DLGAP4: variants seen among roughly 807,000 people sequenced by gnomAD.
The protein encoded by DLGAP4 is DLG associated protein 4, also known as disks large-associated protein 4.
A neutral mutation model predicts 86.9 loss-of-function variants in DLGAP4; 18 were observed. The ratio of observed to expected loss-of-function variants is 0.21; its 90% CI spans 0.14 to 0.31. The LOEUF (loss-of-function observed/expected upper bound fraction) is 0.31. Among genes scored for constraint, DLGAP4 ranks in the 10% least tolerant of loss-of-function variants. The probability of loss-of-function intolerance (pLI) is 1.00; values close to 1 mark genes in which losing one functional copy is unlikely to be tolerated. For missense variants in DLGAP4, 1,085 were observed against 1,362.6 expected (o/e 0.80, Z 3.21); for synonymous variants, 548 against 574.3 (o/e 0.95, Z 0.65).
rs117408574 is a variant in DLGAP4 at position 36,381,915 on chromosome 20, T to C, written c.-73+14640T>C. Among the ~76,000 whole-genome samples, 3 of 152,280 alleles carry C rather than the reference T, an allele frequency of 2.0e-5. No individual in the cohort carries two copies. In the East Asian group the frequency reaches 5.8e-4, roughly 29 times the overall value. ...GGGAGTGGGCTGCATCTGATCCCCTTGGAATCTCATGGGGTCCCAGGAGAG... is the reference window on the plus strand; with the variant it reads ...GGGAGTGGGCTGCATCTGATCCCCTCGGAATCTCATGGGGTCCCAGGAGAG... On this transcript the variant is annotated intron_variant, in intron 2 of 12. Coordinates refer to ENST00000339266, the MANE Select transcript of DLGAP4 (RefSeq NM_001365621.2).
chr20:36,363,379 AT>A (rs2030584120), intron 1 of DLGAP4, among the ~76,000 whole-genome samples: 1 of 152,208 alleles, frequency 6.6e-6, no homozygotes, highest in African/African-American at 2.4e-5. Flanking sequence ...CTCCTTGAGC[AT>A]TTCCTCTGGC....
chr20:36,384,095 C>T (rs2031508879), intron 2 of DLGAP4, among the ~76,000 whole-genome samples: 1 of 151,942 alleles, frequency 6.6e-6, no homozygotes, highest in African/African-American at 2.4e-5. Flanking sequence ...CTTTCATTGC[C>T]ACCTCAGCAT....
chr20:36,311,177 G>C (rs1217060704), intron 1 of DLGAP4, among the ~76,000 whole-genome samples: 3 of 151,644 alleles, frequency 2.0e-5, no homozygotes, highest in Admixed American at 6.6e-5. Context: ...GCATTTGACA[G>C]ATGAGGAAAC....
intron 1 of DLGAP4, among the ~76,000 whole-genome samples, chr20:36,346,203 G>C (rs1432218878): frequency 1.3e-5 from 2 of 152,204 alleles, no homozygotes; most frequent in Non-Finnish European, 2.9e-5. Flanking sequence ...GGCTCTATGG[G>C]CAGAGTCCAA....
rs1261830872 is a variant in DLGAP4, at chr20:36,462,699, G to A, written c.1648+15762G>A. ...CGCTGGGGCAAGGGCTGGCGCTAGG[G>A]CAAGGGGGCTCTGAGGCCTCCCACA... On this transcript the variant is annotated intron_variant, in intron 7 of 12. Coordinates refer to ENST00000339266, the MANE Select transcript of DLGAP4 (RefSeq NM_001365621.2). 2.1e-6 allele frequency: 3 copies of A among 1,460,882 alleles called. No homozygotes were observed. In the African/African-American group the frequency reaches 4.4e-5, roughly 22 times the overall value. The allele number at this position is 1,460,882 out of a possible 1,614,324, so 90.5% of individuals were successfully genotyped here. A position where few individuals can be genotyped will look rare whatever the true frequency, so the allele number is the denominator to read the frequency against.
In DLGAP4 at chr20:36,372,771, G is replaced by T. The variant is rs112945545; in HGVS notation, c.-73+5496G>T. Among the ~76,000 whole-genome samples, 746 of 152,288 alleles carry T rather than the reference G, an allele frequency of 4.9e-3. 3 individuals are homozygous for T. Among genetic ancestry groups the T allele is most frequent in the African/African-American group, 0.017 (696 of 41,572 alleles). On this transcript the variant is annotated intron_variant, in intron 2 of 12. Transcript: ENST00000339266. The stretch of plus-strand genomic sequence containing the variant: ...CCCAATTCTCTGTTTGTGAGAGTTG[G>T]TTAAATAACTTACATCCGGCCAGGC...
chr20:36,511,353 C>G (rs1468600416), intron 10 of DLGAP4, among the ~76,000 whole-genome samples: 4 of 152,048 alleles, frequency 2.6e-5, no homozygotes, highest in Non-Finnish European at 5.9e-5. Flanking sequence ...CAGGTGTGTA[C>G]CACCATGCTC....
chr20:36,439,525 G>A (rs769947603), intron 4 of DLGAP4, among the ~76,000 whole-genome samples: 1 of 152,174 alleles, frequency 6.6e-6, no homozygotes, highest in Admixed American at 6.5e-5. Context: ...CACCTCTGTC[G>A]GGCCTCTGGA....
rs941549618 is a variant in DLGAP4 at position 36,343,810 on chromosome 20, C to T, written c.-303-23235C>T. On this transcript the variant is annotated intron_variant, in intron 1 of 12. Transcript: ENST00000339266. ...CACTGCTCTGGTGCCACCCTCTCCC[C>T]GGTACTCAGATGCCTGCTGGCAAGG... 2.2e-4 allele frequency among the ~76,000 whole-genome samples: 34 copies of T among 152,344 alleles called. 1 individual carries two copies. The highest frequency in any genetic ancestry group is 3.4e-3 in the Middle Eastern group (1 of 294).
intron 2 of DLGAP4, among the ~76,000 whole-genome samples, chr20:36,427,501 G>GGGAA (rs557209124): frequency 0.02 from 3,067 of 150,312 alleles, 89 homozygotes; most frequent in African/African-American, 0.068. Context: ...GAGGGAGGGA[G>GGGAA]GGAAGGAAGG....
chr20:36,328,803 G>A (rs2065240820), intron 1 of DLGAP4, among the ~76,000 whole-genome samples: 2 of 148,808 alleles, frequency 1.3e-5, no homozygotes. Flanking sequence ...TTAAGACGGA[G>A]TCTCTCTCTA....
chr20:36,324,792 A>G (rs782709225), intron 1 of DLGAP4, among the ~76,000 whole-genome samples: 1 of 152,134 alleles, frequency 6.6e-6, no homozygotes, highest in Non-Finnish European at 1.5e-5. Flanking sequence ...TAGTGATGTG[A>G]CCTGTTTCAT....
chr20:36,517,281 G>A (rs1032007065), intron 10 of DLGAP4, among the ~76,000 whole-genome samples: 14 of 152,176 alleles, frequency 9.2e-5, no homozygotes, highest in Admixed American at 8.5e-4. Context: ...GGGAGGCTGA[G>A]GCATGAGAAT....
chr20:36,362,771 T>A (rs1555894307), intron 1 of DLGAP4, among the ~76,000 whole-genome samples: 1 of 152,276 alleles, frequency 6.6e-6, no homozygotes, highest in Admixed American at 6.5e-5. Flanking sequence ...TGTTGTATAA[T>A]GATATGGGCT....
At chr20:36,417,909 C>T (rs965335992) in intron 2 of DLGAP4, among the ~76,000 whole-genome samples, 5 of 152,056 alleles carry the variant, frequency 3.3e-5, no homozygotes, top group African/African-American at 9.7e-5. Context: ...CTCAGCCTCC[C>T]GAGCAGCTGG....
chr20:36,334,112 C>T (rs906502839), intron 1 of DLGAP4, among the ~76,000 whole-genome samples: 1 of 152,212 alleles, frequency 6.6e-6, no homozygotes, highest in African/African-American at 2.4e-5. Context: ...AGAAGCACAG[C>T]GGTGAACAAG....
chr20:36,473,755 A>G (rs951274474), intron 7 of DLGAP4, among the ~76,000 whole-genome samples: 7 of 152,136 alleles, frequency 4.6e-5, no homozygotes, highest in African/African-American at 1.7e-4. Flanking sequence ...TGGCCAGCAA[A>G]TACGATTTTT....
chr20:36,351,680 T>C (rs183980849), intron 1 of DLGAP4, among the ~76,000 whole-genome samples: 1 of 152,210 alleles, frequency 6.6e-6, no homozygotes, highest in Admixed American at 6.5e-5. Flanking sequence ...GTGGAAAAAC[T>C]ATTTTCCATG....
At chr20:36,453,969 GAAAAGA>G (rs1006355333) in intron 7 of DLGAP4, among the ~76,000 whole-genome samples, 1 of 132,848 alleles carries the variant, frequency 7.5e-6, no homozygotes, top group Non-Finnish European at 1.6e-5. Flanking sequence ...AAGAAAGAAA[GAAAAGA>G]AAAAGAAAAA....
Sources: allele counts gnomAD v4.1 joint callset (sites outside exome capture counted in the v4.1 genomes callset), GRCh38; gene constraint gnomAD v4.1.1; transcripts MANE v1.5; gene names NCBI Gene and HGNC (gene_info 2026-07-23, HGNC 2026-07-21).